Variants in GPHN observed in about 807,000 individuals in gnomAD.
GPHN encodes the protein gephyrin.
A neutral mutation model predicts 95.5 loss-of-function variants in GPHN; 17 were observed. The observed-to-expected ratio is 0.18, with a 90% confidence interval of 0.12 to 0.27. The LOEUF is 0.27. Among genes scored for constraint, GPHN ranks in the 10% least tolerant of loss-of-function variants. GPHN has a pLI of 1.00. For synonymous variants in GPHN, 320 were observed against 322.5 expected, an observed-to-expected ratio of 0.99 and a Z score of 0.08; for missense variants, 660 against 978.1, an observed-to-expected ratio of 0.67 and a Z score of 4.34.
At chr14:67,112,002 C>G in intron 15 of GPHN, 83 bp downstream of exon 15, 1 of 1,036,102 alleles carries the variant, frequency 9.7e-7, no homozygotes, top group Non-Finnish European at 1.5e-6. Context: ...TACTATAAAT[C>G]TGCAGCCATG....
At chr14:66,971,305 G>A (rs891783452) in intron 9 of GPHN, among the ~76,000 whole-genome samples, 4 of 152,110 alleles carry the variant, frequency 2.6e-5, no homozygotes, top group Admixed American at 6.6e-5. Flanking sequence ...TCCAGCCTGG[G>A]CAACGAGAAC....
At chr14:67,719,093 G>A in the GPHN span, among the ~76,000 whole-genome samples, 1 of 152,206 alleles carries the variant, frequency 6.6e-6, no homozygotes, top group African/African-American at 2.4e-5. Context: ...GGAGAAGGAA[G>A]GGGGACTCCT....
intron 1 of GPHN, among the ~76,000 whole-genome samples, chr14:66,566,264 A>G (rs2060459489): frequency 6.6e-6 from 1 of 152,180 alleles, no homozygotes; most frequent in Non-Finnish European, 1.5e-5. Context: ...ACCTAAAGGA[A>G]GAAATGCCAC....
the GPHN span, among the ~76,000 whole-genome samples, chr14:67,670,877 T>C: frequency 6.6e-6 from 1 of 152,194 alleles, no homozygotes; most frequent in Non-Finnish European, 1.5e-5. Flanking sequence ...GCCTAGACAG[T>C]GGCTGATACA....
intron 12 of GPHN, among the ~76,000 whole-genome samples, chr14:67,094,280 C>G (rs954638687): frequency 6.6e-6 from 1 of 151,792 alleles, no homozygotes; most frequent in Admixed American, 6.6e-5. Context: ...AATGGGTGAA[C>G]AGAACTAAAA....
intron 2 of GPHN, among the ~76,000 whole-genome samples, chr14:66,699,409 GATA>G (rs2068357242): frequency 6.6e-6 from 1 of 151,854 alleles, no homozygotes; most frequent in Non-Finnish European, 1.5e-5. Flanking sequence ...GGTAAGTGAT[GATA>G]ATATTATATT....
intron 17 of GPHN, among the ~76,000 whole-genome samples, chr14:67,134,953 C>CTTCTTTTTTTTTTTTTTTTTT (rs573340363): frequency 4.4e-5 from 2 of 45,254 alleles, no homozygotes; most frequent in Non-Finnish European, 8.4e-5. Context: ...TTTCTTTCTT[C>CTTCTTTTTTTTTTTTTTTTTT]TTTTTTTTTT....
the GPHN span, among the ~76,000 whole-genome samples, chr14:67,468,919 TAAAA>T: frequency 1.4e-5 from 2 of 145,040 alleles, no homozygotes; most frequent in South Asian, 2.2e-4. Flanking sequence ...TAATTTTTTT[TAAAA>T]AAAAAAGGGT....
intron 9 of GPHN, chr14:66,969,464 T>C (rs957062175): frequency 5.3e-5 from 8 of 152,040 alleles, no homozygotes; most frequent in Non-Finnish European, 1.2e-4. Context: ...CTTAGATGAG[T>C]GCTGATTTTC....
the GPHN span, among the ~76,000 whole-genome samples, chr14:67,619,259 A>C: frequency 6.6e-6 from 1 of 152,238 alleles, no homozygotes; most frequent in Non-Finnish European, 1.5e-5. Context: ...TTGCTTTTTT[A>C]ATAACCAGCG....
the GPHN span, chr14:67,724,444 C>G: frequency 1.5e-6 from 2 of 1,322,660 alleles, no homozygotes; most frequent in Non-Finnish European, 2.1e-6. Flanking sequence ...AAGGATGGTA[C>G]GTGATGCTCT....
chr14:67,670,114 C>A, the GPHN span, among the ~76,000 whole-genome samples: 73 of 152,232 alleles, frequency 4.8e-4, no homozygotes, highest in Non-Finnish European at 9.1e-4. Context: ...AACAAATTCC[C>A]GTTAGCAAGG....
chr14:66,787,328 CAAAG>C (rs2059811408), intron 3 of GPHN, among the ~76,000 whole-genome samples: 1 of 151,984 alleles, frequency 6.6e-6, no homozygotes. Flanking sequence ...AACTGCCAAA[CAAAG>C]AAATAAAAGG....
In GPHN at chr14:67,070,715, A is replaced by AAAAAAAATATATATATATATATATAT; in HGVS notation, c.1144+11930_1144+11931insAAAAAATATATATATATATATATATA. Among the ~76,000 whole-genome samples, 15 of 80,656 alleles carry AAAAAAAATATATATATATATATATAT rather than the reference A, an allele frequency of 1.9e-4. No homozygotes were observed. The East Asian group carries it at 2.3e-3, about 12-fold the overall frequency. 52.9% of individuals were successfully genotyped at this position (80,656 alleles called of 152,430 possible). ...ATCTCAAAAAAAAAAAAAAAAAAAA[A>AAAAAAAATATATATATATATATATAT]ATATATATATATATCCAATCAGCAT... On this transcript the variant is annotated intron_variant, in intron 11 of 22. Transcript: ENST00000478722.
intron 5 of GPHN, among the ~76,000 whole-genome samples, chr14:66,901,884 T>C (rs1469501252): frequency 2.0e-5 from 3 of 152,030 alleles, no homozygotes; most frequent in Admixed American, 6.6e-5. Context: ...CCATATGAAT[T>C]TTAGGATTGT....
intron 8 of GPHN, among the ~76,000 whole-genome samples, chr14:66,942,628 T>C (rs1188279288): frequency 6.6e-6 from 1 of 152,216 alleles, no homozygotes; most frequent in Non-Finnish European, 1.5e-5. Flanking sequence ...GCATATACTT[T>C]AGACATTAGA....
chr14:67,291,137 T>C, the GPHN span, among the ~76,000 whole-genome samples: 1 of 151,848 alleles, frequency 6.6e-6, no homozygotes, highest in Non-Finnish European at 1.5e-5. Flanking sequence ...TAAATGGAAA[T>C]ATTGGAAAAC....
chr14:67,719,092 AG>A, the GPHN span, among the ~76,000 whole-genome samples: 1 of 152,230 alleles, frequency 6.6e-6, no homozygotes, highest in Non-Finnish European at 1.5e-5. Flanking sequence ...AGGAGAAGGA[AG>A]GGGGACTCCT....
intron 3 of GPHN, among the ~76,000 whole-genome samples, chr14:66,817,152 G>T (rs1003193385): frequency 1.3e-5 from 2 of 151,734 alleles, no homozygotes; most frequent in African/African-American, 2.4e-5. Context: ...TTATTAATTT[G>T]TTCATATCTC....
Sources: allele counts gnomAD v4.1 joint callset (sites outside exome capture counted in the v4.1 genomes callset), GRCh38; gene constraint gnomAD v4.1.1; transcripts MANE v1.5; gene names NCBI Gene and HGNC (gene_info 2026-07-23, HGNC 2026-07-21).